ANK3: variants seen among roughly 807,000 people sequenced by gnomAD.
ANK3 encodes the protein ankyrin-3.
A neutral mutation model predicts 370.9 loss-of-function variants in ANK3; 57 were observed. The observed-to-expected ratio is 0.15, with a 90% confidence interval of 0.12 to 0.19. The LOEUF (loss-of-function observed/expected upper bound fraction) is 0.19. Ranked by LOEUF, ANK3 falls within the 10% of genes least tolerant of loss-of-function variation. ANK3 has a pLI of 1.00. For synonymous variants in ANK3, 1,929 were observed against 1,946.3 expected, an observed-to-expected ratio of 0.99 and a Z score of 0.23; for missense variants, 4,439 against 5,302.1, an observed-to-expected ratio of 0.84 and a Z score of 5.06.
At chr10:60,656,107 A>C (rs2078859747) in intron 1 of ANK3, among the ~76,000 whole-genome samples, 1 of 152,190 alleles carries the variant, frequency 6.6e-6, no homozygotes, top group Non-Finnish European at 1.5e-5. Context: ...ATTCTGTTTG[A>C]TAGAACTCAC....
intron 2 of ANK3, among the ~76,000 whole-genome samples, chr10:60,476,912 GAA>G (rs2075080215): frequency 1.3e-5 from 2 of 152,158 alleles, no homozygotes; most frequent in South Asian, 4.1e-4. Flanking sequence ...CAAATAGAGA[GAA>G]GTTTTTCTCC....
At chr10:60,714,347 T>C (rs1366470599) in intron 1 of ANK3, among the ~76,000 whole-genome samples, 1 of 152,202 alleles carries the variant, frequency 6.6e-6, no homozygotes, top group African/African-American at 2.4e-5. Context: ...TCTACAATCT[T>C]TTCCAGGAAA....
intron 2 of ANK3, among the ~76,000 whole-genome samples, chr10:60,567,916 T>C (rs2077501726): frequency 6.6e-6 from 1 of 152,116 alleles, no homozygotes; most frequent in African/African-American, 2.4e-5. Context: ...CCTGAAGACA[T>C]GATTGAATTG....
At chr10:60,459,064 T>C (rs2064820851) in intron 2 of ANK3, among the ~76,000 whole-genome samples, 1 of 152,100 alleles carries the variant, frequency 6.6e-6, no homozygotes, top group South Asian at 2.1e-4. Flanking sequence ...AAATGAGTGA[T>C]AGTGCATATC....
At chr10:60,468,447 G>A (rs1310043686) in intron 2 of ANK3, among the ~76,000 whole-genome samples, 7 of 152,068 alleles carry the variant, frequency 4.6e-5, no homozygotes, top group African/African-American at 1.7e-4. Flanking sequence ...GCAATAATTA[G>A]GCTGTACTCA....
chr10:60,363,079 C>T (rs117443225), intron 1 of ANK3, among the ~76,000 whole-genome samples: 26,073 of 60,794 alleles, frequency 0.43, 3,023 homozygotes, highest in Admixed American at 0.46. Context: ...TTGCGGCGGG[C>T]GGGCGGGGGA....
chr10:60,716,671 G>T (rs114737387), intron 1 of ANK3, among the ~76,000 whole-genome samples: 5,913 of 152,124 alleles, frequency 0.039, 147 homozygotes, highest in Middle Eastern at 0.071. Flanking sequence ...ATGCCACCAT[G>T]CCCGGCTAAC....
chr10:60,126,046 A>G lies in ANK3; in HGVS notation c.2841+8225T>C, dbSNP rs189813760. On this transcript the variant is annotated intron_variant, in intron 25 of 43. Coordinates refer to ENST00000280772, the MANE Select transcript of ANK3 (RefSeq NM_020987.5). ...CAGCCTTCCTGTACATGATGGCTAT[A>G]ATGAGGCCTCCAATATCACTTACAG... is the stretch of plus-strand genomic sequence containing the variant. 2.0e-5 allele frequency among the ~76,000 whole-genome samples: 3 copies of G among 152,300 alleles called. No individual in the cohort carries two copies. In the East Asian group the frequency reaches 5.8e-4, roughly 29 times the overall value.
At position 60,134,320 on chromosome 10, in the gene ANK3, G is replaced by A. The variant is rs199828876; in HGVS notation, c.2792C>T (p.Ala931Val). ...RSYTLNRSSY[A>V]RDSMMIEELL... ...TTCTTCAATCATCATGCTGTCCCGT[G>A]CATAGGAGCTTCTGTTCAAGGTGTA... The change falls in exon 25 of 44, where the codon GCA becomes GTA. Residue 931 changes from alanine to valine, a missense_variant. Ala to Val is a moderately conservative substitution (Grantham distance 64). Around this residue, in one of 13 missense-constraint regions of ANK3, gnomAD observed 702 missense variants for 941.5 expected, o/e 0.75. Coordinates refer to ENST00000280772, the MANE Select transcript of ANK3 (RefSeq NM_020987.5). The A allele has an allele frequency of 4.3e-6, 7 of 1,613,948 alleles. No individual in the cohort carries two copies. In the African/African-American group the frequency reaches 6.7e-5, roughly 15 times the overall value.
At chr10:60,687,492 C>A (rs1400593066) in intron 1 of ANK3, among the ~76,000 whole-genome samples, 2 of 151,686 alleles carry the variant, frequency 1.3e-5, no homozygotes, top group Non-Finnish European at 2.9e-5. Flanking sequence ...ATCAAAACCA[C>A]AATGAGATAC....
intron 2 of ANK3, among the ~76,000 whole-genome samples, chr10:60,460,161 C>CTG (rs1262454751): frequency 6.6e-6 from 1 of 152,160 alleles, no homozygotes; most frequent in Non-Finnish European, 1.5e-5. Context: ...TTCACAAAAA[C>CTG]TGTGATTTAT....
At chr10:60,467,984 C>CTTTT (rs56199348) in intron 2 of ANK3, among the ~76,000 whole-genome samples, 1 of 135,274 alleles carries the variant, frequency 7.4e-6, no homozygotes, top group South Asian at 2.3e-4. Flanking sequence ...CATATAAAAA[C>CTTTT]TTTTTTTTTT....
chr10:60,239,511 G>A (rs2097390467), intron 7 of ANK3, among the ~76,000 whole-genome samples: 1 of 151,954 alleles, frequency 6.6e-6, no homozygotes, highest in South Asian at 2.1e-4. Flanking sequence ...TGTCAAATAA[G>A]AATTCTACAC....
rs1565819646 is a variant in ANK3, at chr10:60,226,490, C to CATATACTATAGTATATATACTTAGTAT, written c.897+8197_897+8198insATACTAAGTATATATACTATAGTATAT. 1.4e-4 allele frequency among the ~76,000 whole-genome samples: 9 copies of CATATACTATAGTATATATACTTAGTAT among 63,386 alleles called. No individual in the cohort carries two copies. In the South Asian group the frequency reaches 2.0e-3, roughly 14 times the overall value. 41.6% of individuals were successfully genotyped at this position (63,386 alleles called of 152,430 possible). A position where few individuals can be genotyped will look rare whatever the true frequency, so the allele number is the denominator to read the frequency against. ...ACATAGTATATATACTATATATATA[C>CATATACTATAGTATATATACTTAGTAT]ATATACTATAGTATATATACATAGT... On this transcript the variant is annotated intron_variant, in intron 8 of 43. Transcript: ENST00000280772.
At position 60,196,176 on chromosome 10, in the gene ANK3, T is replaced by C; in HGVS notation, c.1856A>G (p.Asp619Gly). ...DNQKVALLLL[D>G]QGASPHAAAK... Reference sequence around the variant, plus strand: ...GGCTGCGTGAGGTGAGGCTCCTTGGTCCAAAAGCAGAAGGGCCACTTTCTG... The same window carrying C: ...GGCTGCGTGAGGTGAGGCTCCTTGGCCCAAAAGCAGAAGGGCCACTTTCTG... The change falls in exon 16 of 44, where the codon GAC (aspartate) becomes GGC (glycine). Residue 619 changes from aspartate (D) to glycine (G), a missense_variant. Around this residue, in one of 13 missense-constraint regions of ANK3, gnomAD observed 192 missense variants for 192.1 expected, o/e 1.00. Transcript: ENST00000280772. The C allele has an allele frequency of 3.1e-6, 5 of 1,613,928 alleles. No homozygotes were observed. Among genetic ancestry groups the C allele is most frequent in the Non-Finnish European group, 4.2e-6 (5 of 1,179,878 alleles).
chr10:60,060,121 T>A, intron 40 of ANK3: 1 of 736,568 alleles, frequency 1.4e-6, no homozygotes, highest in Non-Finnish European at 2.1e-6. Context: ...AATTACAGAT[T>A]AATGTCAATA....
intron 42 of ANK3, chr10:60,044,869 GAA>G (rs2076687360): frequency 6.6e-6 from 1 of 152,120 alleles, no homozygotes; most frequent in Non-Finnish European, 1.5e-5. Flanking sequence ...AAGATTATGA[GAA>G]AAGTTGAGGG....
Position 60,263,969 on chromosome 10 carries a change from C to G in ANK3, c.565G>C (p.Val189Leu). 1 of 1,614,114 alleles carries G rather than the reference C, an allele frequency of 6.2e-7. No homozygotes were observed. The highest frequency in any genetic ancestry group is 8.5e-7 in the Non-Finnish European group (1 of 1,180,002). Reference sequence around the variant, plus strand: ...GTGTCATTCTCTAGCAGGAGCGAAACGACTTGGTCGTGACCTTGTTGCAAA... The same window carrying G: ...GTGTCATTCTCTAGCAGGAGCGAAAGGACTTGGTCGTGACCTTGTTGCAAA... ...VALQQGHDQV[V>L]SLLLENDTKG... The change falls in exon 6 of 44, where the codon GTT becomes CTT. Residue 189 changes from valine (V) to leucine (L), a missense_variant. Coordinates refer to ENST00000280772, the MANE Select transcript of ANK3 (RefSeq NM_020987.5).
In ANK3 at chr10:60,075,598, G is replaced by T; in HGVS notation, c.5283C>A (p.Asp1761Glu). The change falls in exon 37 of 44, where the codon GAC becomes GAA. Residue 1761 changes from aspartate to glutamate, a missense_variant. Asp to Glu is a conservative substitution (Grantham distance 45, BLOSUM62 2). Around this residue, in one of 13 missense-constraint regions of ANK3, gnomAD observed 679 missense variants for 791.0 expected, o/e 0.86. Coordinates refer to ENST00000280772, the MANE Select transcript of ANK3 (RefSeq NM_020987.5). The stretch of plus-strand genomic sequence containing the variant: ...TGGTAGAAAACACTTTCTCAACTGT[G>T]TCAGTGGCTGCACTGACCACAGAGC... Reference protein sequence around the residue: ...SVSSVVSAATDTVEKVFSTTT... With the variant: ...SVSSVVSAATETVEKVFSTTT... 6.2e-7 allele frequency: 1 copy of T among 1,614,082 alleles called. No individual in the cohort carries two copies. Among genetic ancestry groups the T allele is most frequent in the Non-Finnish European group, 8.5e-7 (1 of 1,180,006 alleles).
Sources: gnomAD v4.1 joint callset for allele counts (sites outside exome capture counted in the v4.1 genomes callset) on GRCh38, gnomAD v4.1.1 for gene constraint, gnomAD v4.1.1 regional missense constraint, MANE v1.5 for transcripts, NCBI Gene and HGNC (gene_info 2026-07-23, HGNC 2026-07-21) for gene names.